C8orf34: variants seen among roughly 807,000 people sequenced by gnomAD.
C8orf34 encodes chromosome 8 open reading frame 34, also known as uncharacterized protein C8orf34.
In C8orf34, 65 loss-of-function variants were observed where a neutral mutation model predicts 68.3. The ratio of observed to expected loss-of-function variants is 0.95; its 90% confidence interval spans 0.78 to 1.17. The LOEUF (loss-of-function observed/expected upper bound fraction) is 1.17. Ranked by LOEUF, C8orf34 falls within the 50% of genes most tolerant of loss-of-function variation. The pLI, the probability that C8orf34 is intolerant of heterozygous loss-of-function variation, is 0.00. For missense variants in C8orf34, 664 were observed against 655.4 expected (o/e 1.01, Z -0.14); for synonymous variants, 244 against 241.2 (o/e 1.01, Z -0.11).
At chr8:68,700,497 C>G (rs1820981892) in intron 8 of C8orf34, among the ~76,000 whole-genome samples, 1 of 152,032 alleles carries the variant, frequency 6.6e-6, no homozygotes, top group African/African-American at 2.4e-5. Flanking sequence ...GACTTTTTTT[C>G]TGGGGTAAAA....
At chr8:68,355,789 A>C (rs996314037) in intron 1 of C8orf34, among the ~76,000 whole-genome samples, 1 of 152,180 alleles carries the variant, frequency 6.6e-6, no homozygotes. Context: ...CACAGTGACA[A>C]TATGCTTTGG....
At chr8:68,511,476 G>A (rs561916065) in intron 5 of C8orf34, among the ~76,000 whole-genome samples, 1 of 152,282 alleles carries the variant, frequency 6.6e-6, no homozygotes, top group African/African-American at 2.4e-5. Context: ...GACTCAGGAT[G>A]AGTCAGGATG....
intron 1 of C8orf34, among the ~76,000 whole-genome samples, chr8:68,333,301 CA>C (rs1257224534): frequency 6.6e-6 from 1 of 152,030 alleles, no homozygotes; most frequent in Non-Finnish European, 1.5e-5. Context: ...GTCCCCTCAC[CA>C]AAAAACAAGC....
intron 7 of C8orf34, among the ~76,000 whole-genome samples, chr8:68,568,489 T>A (rs1193859752): frequency 6.6e-6 from 1 of 151,894 alleles, no homozygotes; most frequent in Non-Finnish European, 1.5e-5. Context: ...AGACACGAAG[T>A]GAGCCCATGC....
intron 3 of C8orf34, among the ~76,000 whole-genome samples, chr8:68,464,530 C>G (rs932934952): frequency 1.3e-5 from 2 of 151,928 alleles, no homozygotes; most frequent in Admixed American, 6.6e-5. Flanking sequence ...GGAGGCATCA[C>G]GCTACCTGAC....
intron 7 of C8orf34, among the ~76,000 whole-genome samples, chr8:68,639,557 G>C (rs1273352634): frequency 6.6e-6 from 1 of 152,012 alleles, no homozygotes; most frequent in Admixed American, 6.6e-5. Flanking sequence ...CTTCAATAAT[G>C]AATTAGATTT....
chr8:68,742,178 C>A (rs891997453), intron 10 of C8orf34, among the ~76,000 whole-genome samples: 1 of 152,144 alleles, frequency 6.6e-6, no homozygotes, highest in African/African-American at 2.4e-5. Flanking sequence ...AACTCCAGGC[C>A]CTAAGCCATT....
intron 5 of C8orf34, among the ~76,000 whole-genome samples, chr8:68,496,790 T>C (rs1302946566): frequency 6.6e-6 from 1 of 152,226 alleles, no homozygotes; most frequent in Admixed American, 6.5e-5. Context: ...GGATTTCCTA[T>C]AACAAGCAGA....
intron 7 of C8orf34, chr8:68,534,651 T>C (rs915474539): frequency 4.1e-6 from 4 of 985,334 alleles, no homozygotes; most frequent in African/African-American, 1.7e-5. Flanking sequence ...GTGTGGTCAT[T>C]GTAGGTTTGC....
At chr8:68,802,251 C>G (rs542228174) in intron 12 of C8orf34, among the ~76,000 whole-genome samples, 34 of 152,022 alleles carry the variant, frequency 2.2e-4, no homozygotes, top group Middle Eastern at 3.4e-3. Context: ...CAGGCATGCA[C>G]CACCATGCCT....
intron 3 of C8orf34, among the ~76,000 whole-genome samples, chr8:68,449,739 A>G (rs1811268438): frequency 6.6e-6 from 1 of 152,134 alleles, no homozygotes; most frequent in Non-Finnish European, 1.5e-5. Context: ...TCAATGAGTC[A>G]TAATCATTTT....
intron 8 of C8orf34, among the ~76,000 whole-genome samples, chr8:68,679,591 C>T (rs1350715821): frequency 6.6e-6 from 1 of 152,032 alleles, no homozygotes; most frequent in Non-Finnish European, 1.5e-5. Context: ...TTATATGGAA[C>T]CACAAAAGAC....
At chr8:68,420,236 G>A (rs541381875) in intron 1 of C8orf34, among the ~76,000 whole-genome samples, 30 of 151,290 alleles carry the variant, frequency 2.0e-4, no homozygotes, top group African/African-American at 7.0e-4. Context: ...GGGACTGTCA[G>A]GAGTAAGGAT....
At chr8:68,740,183 C>T (rs970999281) in intron 10 of C8orf34, among the ~76,000 whole-genome samples, 2 of 152,046 alleles carry the variant, frequency 1.3e-5, no homozygotes, top group African/African-American at 4.8e-5. Context: ...CCATTCTCGA[C>T]ACAGAAACCA....
At chr8:68,682,661 T>C (rs1207888431) in intron 8 of C8orf34, among the ~76,000 whole-genome samples, 2 of 152,202 alleles carry the variant, frequency 1.3e-5, no homozygotes, top group African/African-American at 2.4e-5. Flanking sequence ...GGTGTATTCC[T>C]GTCTCCTAAA....
intron 1 of C8orf34, among the ~76,000 whole-genome samples, chr8:68,417,916 C>T (rs569585200): frequency 1.1e-3 from 165 of 151,702 alleles, no homozygotes; most frequent in Middle Eastern, 3.4e-3. Context: ...TTGATTCTTC[C>T]TACCCATGAG....
chr8:68,383,180 T>C (rs879681094), intron 1 of C8orf34, among the ~76,000 whole-genome samples: 1 of 152,232 alleles, frequency 6.6e-6, no homozygotes, highest in African/African-American at 2.4e-5. Flanking sequence ...GTCATTATCA[T>C]GGCCATGTTT....
chr8:68,706,658 G>A lies in C8orf34; in HGVS notation c.1242-2336G>A, dbSNP rs559890067. Among the ~76,000 whole-genome samples the A allele has an allele frequency of 3.3e-5, 5 of 152,318 alleles. No homozygotes were observed. In the South Asian group the frequency reaches 1.0e-3, roughly 32 times the overall value. On this transcript the variant is annotated intron_variant, in intron 8 of 13. Coordinates refer to ENST00000518698, the MANE Select transcript of C8orf34 (RefSeq NM_052958.4). ...TGTCTGTCCTTGGGTTAAGGAAGGT[G>A]AAGTGGAAGGGAAGATCTCCAAATG...
chr8:68,581,546 AC>A (rs1817064084), intron 7 of C8orf34, among the ~76,000 whole-genome samples: 1 of 152,156 alleles, frequency 6.6e-6, no homozygotes, highest in African/African-American at 2.4e-5. Flanking sequence ...TTGAGTGCTA[AC>A]AAAAATTATT....
Sources: allele counts gnomAD v4.1 joint callset (sites outside exome capture counted in the v4.1 genomes callset), GRCh38; gene constraint gnomAD v4.1.1; transcripts MANE v1.5; gene names NCBI Gene and HGNC (gene_info 2026-07-23, HGNC 2026-07-21).